CNTLN: variants seen among roughly 807,000 people sequenced by gnomAD.
The protein encoded by CNTLN is centlein, centrosomal protein.
In CNTLN, 212 loss-of-function variants were observed where a neutral mutation model predicts 180.0. That is an observed-to-expected ratio of 1.18 (90% confidence interval 1.05 to 1.32). The LOEUF (loss-of-function observed/expected upper bound fraction) is 1.32. Among genes scored for constraint, CNTLN ranks in the 40% most tolerant of loss-of-function variants. The pLI is 0.00. For synonymous variants in CNTLN, 722 were observed against 563.1 expected (o/e 1.28, Z -3.99); for missense variants, 2,095 against 1,610.9 (o/e 1.30, Z -5.14).
At chr9:17,324,493 G>T (rs575416977) in intron 8 of CNTLN, among the ~76,000 whole-genome samples, 3 of 152,106 alleles carry the variant, frequency 2.0e-5, no homozygotes, top group African/African-American at 7.2e-5. Flanking sequence ...TTTGTAAATT[G>T]TGGAGTTATT....
At chr9:17,152,103 A>G (rs939215028) in intron 2 of CNTLN, among the ~76,000 whole-genome samples, 1 of 152,264 alleles carries the variant, frequency 6.6e-6, no homozygotes, top group Middle Eastern at 3.4e-3. Flanking sequence ...GATGTTTTCA[A>G]AAAACCAGCT....
intron 7 of CNTLN, chr9:17,301,053 C>T: frequency 2.0e-6 from 2 of 985,340 alleles, no homozygotes; most frequent in Non-Finnish European, 2.4e-6. Context: ...AACTGGGGGC[C>T]TGTTCCAAGA....
chr9:17,254,247 G>C lies in CNTLN; in HGVS notation c.849+17659G>C, dbSNP rs529582202. ...TTGTTGCCTTTTTAATCTGTTCATTGTGTCCTTTGATGAACAAAAGTTTTC... is the reference window on the plus strand; with the variant it reads ...TTGTTGCCTTTTTAATCTGTTCATTCTGTCCTTTGATGAACAAAAGTTTTC... On this transcript the variant is annotated intron_variant, in intron 5 of 25. Coordinates refer to ENST00000380647, the MANE Select transcript of CNTLN (RefSeq NM_017738.4). Among the ~76,000 whole-genome samples, 3 of 151,678 alleles carry C rather than the reference G, an allele frequency of 2.0e-5. No homozygotes were observed. The South Asian group carries it at 6.2e-4, about 31-fold the overall frequency.
At chr9:17,248,343 C>A (rs901671998) in intron 5 of CNTLN, among the ~76,000 whole-genome samples, 1 of 151,846 alleles carries the variant, frequency 6.6e-6, no homozygotes, top group Non-Finnish European at 1.5e-5. Flanking sequence ...GTAGAATTCA[C>A]CAGTGAAGCT....
chr9:17,214,289 T>G (rs200167634), intron 2 of CNTLN, among the ~76,000 whole-genome samples: 1 of 152,138 alleles, frequency 6.6e-6, no homozygotes, highest in Non-Finnish European at 1.5e-5. Flanking sequence ...GTCTGTAAAG[T>G]ATTTTATTTC....
chr9:17,357,745 C>T (rs1822968919), intron 12 of CNTLN, among the ~76,000 whole-genome samples: 5 of 151,248 alleles, frequency 3.3e-5, no homozygotes, highest in South Asian at 2.1e-4. Context: ...TTTTGTCACA[C>T]GAACTCATTC....
At chr9:17,400,581 A>T (rs756092287) in intron 15 of CNTLN, among the ~76,000 whole-genome samples, 1 of 152,206 alleles carries the variant, frequency 6.6e-6, no homozygotes, top group African/African-American at 2.4e-5. Context: ...CAATTTCATT[A>T]TCCATAAAAT....
chr9:17,204,037 G>C (rs1349714366), intron 2 of CNTLN, among the ~76,000 whole-genome samples: 1 of 152,132 alleles, frequency 6.6e-6, no homozygotes. Flanking sequence ...TCTCTAAACG[G>C]GTTATTCTAG....
At chr9:17,474,982 T>G (rs1832253425) in intron 23 of CNTLN, among the ~76,000 whole-genome samples, 1 of 152,196 alleles carries the variant, frequency 6.6e-6, no homozygotes, top group South Asian at 2.1e-4. Context: ...ACTCCATGAT[T>G]AATTTTATTG....
intron 12 of CNTLN, among the ~76,000 whole-genome samples, chr9:17,350,985 C>A (rs10124513): frequency 6.6e-6 from 1 of 151,958 alleles, no homozygotes. Context: ...ATTTGTTAAG[C>A]ATAATTAAAT....
intron 13 of CNTLN, among the ~76,000 whole-genome samples, chr9:17,385,916 G>T (rs1825651426): frequency 6.6e-6 from 1 of 152,066 alleles, no homozygotes; most frequent in African/African-American, 2.4e-5. Flanking sequence ...GTTTCTTATT[G>T]TATCACAAGT....
At chr9:17,526,961 TC>T in the CNTLN span, among the ~76,000 whole-genome samples, 477 of 152,260 alleles carry the variant, frequency 3.1e-3, 1 homozygote, top group African/African-American at 0.011. Context: ...CACTGCAACT[TC>T]CGCCTCCTGG....
chr9:17,261,661 T>G (rs1439518988), intron 5 of CNTLN, among the ~76,000 whole-genome samples: 2 of 151,410 alleles, frequency 1.3e-5, no homozygotes, highest in East Asian at 3.9e-4. Context: ...GTCATTTATT[T>G]TTTTCTCTTG....
chr9:17,346,499 T>C (rs1000572049), intron 12 of CNTLN, among the ~76,000 whole-genome samples: 8 of 152,196 alleles, frequency 5.3e-5, no homozygotes, highest in African/African-American at 1.9e-4. Context: ...TTTCACCATA[T>C]GTAGAATTAT....
chr9:17,248,812 A>G (rs1235237249), intron 5 of CNTLN, among the ~76,000 whole-genome samples: 1 of 151,664 alleles, frequency 6.6e-6, no homozygotes, highest in East Asian at 1.9e-4. Context: ...AGTAACAAAA[A>G]GTCTTCAAAC....
At chr9:17,387,374 A>G (rs1825761821) in intron 13 of CNTLN, among the ~76,000 whole-genome samples, 1 of 152,200 alleles carries the variant, frequency 6.6e-6, no homozygotes, top group Admixed American at 6.5e-5. Context: ...TTAATTCACT[A>G]AGAAAATGTT....
chr9:17,511,646 T>TCACACACA, the CNTLN span, among the ~76,000 whole-genome samples: 111 of 62,044 alleles, frequency 1.8e-3, no homozygotes, highest in African/African-American at 4.6e-3. Context: ...TCTCTCTCTC[T>TCACACACA]CTCACACACA....
chr9:17,401,817 A>G (rs1034829370), intron 15 of CNTLN, among the ~76,000 whole-genome samples: 1 of 58,322 alleles, frequency 1.7e-5, no homozygotes, highest in East Asian at 4.0e-4. Context: ...AAAAGCGTTA[A>G]TAGAACTTTA....
chr9:17,480,691 G>A (rs886228917), intron 23 of CNTLN, among the ~76,000 whole-genome samples: 1 of 152,134 alleles, frequency 6.6e-6, no homozygotes, highest in African/African-American at 2.4e-5. Context: ...TAATATAACT[G>A]TGATTTAACA....
Sources: allele counts gnomAD v4.1 joint callset (sites outside exome capture counted in the v4.1 genomes callset), GRCh38; gene constraint gnomAD v4.1.1; transcripts MANE v1.5; gene names NCBI Gene and HGNC (gene_info 2026-07-23, HGNC 2026-07-21).